SENP7: variants seen among roughly 807,000 people sequenced by gnomAD.
SENP7 encodes SUMO specific peptidase 7.
A neutral mutation model predicts 141.2 loss-of-function variants in SENP7; 64 were observed. That is an observed-to-expected ratio of 0.45 (90% confidence interval 0.37 to 0.56). SENP7 has a LOEUF of 0.56. SENP7 is among the 20% of genes least tolerant of loss of function. The pLI, the probability that SENP7 is intolerant of heterozygous loss-of-function variation, is 0.00. For synonymous variants in SENP7, 382 were observed against 426.4 expected, an observed-to-expected ratio of 0.90 and a Z score of 1.28; for missense variants, 1,025 against 1,212.2, an observed-to-expected ratio of 0.85 and a Z score of 2.29.
At chr3:101,394,130 T>C (rs1210744872) in intron 6 of SENP7, among the ~76,000 whole-genome samples, 1 of 152,186 alleles carries the variant, frequency 6.6e-6, no homozygotes, top group Non-Finnish European at 1.5e-5. Flanking sequence ...CAGCCTCTAG[T>C]GTTTATAATT....
At chr3:101,397,911 C>G (rs1484565838) in intron 6 of SENP7, among the ~76,000 whole-genome samples, 3 of 152,126 alleles carry the variant, frequency 2.0e-5, no homozygotes, top group Non-Finnish European at 2.9e-5. Context: ...ACTGACCATC[C>G]CTAGCTTTGT....
At chr3:101,395,779 T>C (rs578013859) in intron 6 of SENP7, among the ~76,000 whole-genome samples, 109 of 152,316 alleles carry the variant, frequency 7.2e-4, no homozygotes, top group African/African-American at 2.3e-3. Flanking sequence ...TGACGATAAG[T>C]GGACTCAGGA....
intron 11 of SENP7, among the ~76,000 whole-genome samples, chr3:101,356,805 T>C (rs1383752393): frequency 6.6e-6 from 1 of 152,182 alleles, no homozygotes; most frequent in East Asian, 1.9e-4. Flanking sequence ...GAAAAAAGCT[T>C]GAGCAATTGC....
intron 6 of SENP7, among the ~76,000 whole-genome samples, chr3:101,378,440 A>G (rs1480210993): frequency 6.6e-6 from 1 of 152,138 alleles, no homozygotes; most frequent in Non-Finnish European, 1.5e-5. Context: ...ACTAGTAGAC[A>G]GGATATGGAA....
chr3:101,375,441 C>G (rs565400789), intron 6 of SENP7, among the ~76,000 whole-genome samples: 19 of 146,214 alleles, frequency 1.3e-4, no homozygotes, highest in African/African-American at 4.8e-4. Flanking sequence ...TACTCAGAGG[C>G]TGAGGCATGA....
chr3:101,390,975 C>T (rs187036911), intron 6 of SENP7, among the ~76,000 whole-genome samples: 55 of 152,068 alleles, frequency 3.6e-4, no homozygotes, highest in African/African-American at 1.3e-3. Context: ...GGAACTTAAA[C>T]AACATGCTCC....
chr3:101,412,411 T>C (rs1310807670), intron 5 of SENP7, among the ~76,000 whole-genome samples: 1 of 152,084 alleles, frequency 6.6e-6, no homozygotes, highest in Middle Eastern at 3.2e-3. Flanking sequence ...AGTTTCTAAA[T>C]TTGTTCTTTT....
chr3:101,417,819 A>G lies in SENP7; in HGVS notation c.285-29T>C, dbSNP rs371955238. On this transcript the variant is annotated intron_variant, in intron 4 of 23. Transcript: ENST00000394095. ...TTATACACATAAATAATTAGTATAT[A>G]TGGTACTACACATTGTAGAATACAT... 1.4e-5 allele frequency: 21 copies of G among 1,497,004 alleles called. No homozygotes were observed. In the African/African-American group the frequency reaches 2.5e-4, roughly 18 times the overall value. The allele number at this position is 1,497,004 out of a possible 1,614,324, so 92.7% of individuals were successfully genotyped here. A position where few individuals can be genotyped will look rare whatever the true frequency, so the allele number is the denominator to read the frequency against.
intron 16 of SENP7, 105 bp from the exon 17 acceptor site, chr3:101,337,736 A>G: frequency 9.9e-7 from 1 of 1,012,354 alleles, no homozygotes; most frequent in South Asian, 2.5e-5. Flanking sequence ...ATCTATTTTG[A>G]TTCAAAGCAA....
chr3:101,344,041 G>T, intron 13 of SENP7, 87 bp from the exon 14 acceptor site: 1 of 936,088 alleles, frequency 1.1e-6, no homozygotes, highest in Non-Finnish European at 1.5e-6. Flanking sequence ...ATAATAGTAA[G>T]GTTGGAATAT....
intron 11 of SENP7, among the ~76,000 whole-genome samples, chr3:101,359,770 A>G (rs1218447216): frequency 6.6e-6 from 1 of 152,122 alleles, no homozygotes; most frequent in African/African-American, 2.4e-5. Context: ...GCAACGATAT[A>G]TACTATACAG....
In SENP7 at chr3:101,348,017, G is replaced by A. The variant is rs143327738; in HGVS notation, c.1692C>T (p.Thr564=). 1.4e-4 allele frequency: 232 copies of A among 1,602,048 alleles called. No homozygotes were observed. The highest frequency in any genetic ancestry group is 1.9e-4 in the Non-Finnish European group (222 of 1,175,348). The stretch of plus-strand genomic sequence containing the variant: ...ATAACCCAAACCGCTTTAAATGTGT[G>A]GTATCCACTAGCAATGAAATCTCAT... ...SLNEISLLVD[T]THLKRFGLWK... Residue 564 remains threonine (T), a synonymous_variant, in exon 13 of 24, where the codon ACC becomes ACT. Coordinates refer to ENST00000394095, the MANE Select transcript of SENP7 (RefSeq NM_020654.5).
chr3:101,448,322 A>G (rs889897045), intron 4 of SENP7, among the ~76,000 whole-genome samples: 1 of 152,244 alleles, frequency 6.6e-6, no homozygotes, highest in African/African-American at 2.4e-5. Flanking sequence ...AAAGAATGAG[A>G]TAAAATATAT....
At chr3:101,444,186 A>T (rs1445365626) in intron 4 of SENP7, among the ~76,000 whole-genome samples, 8 of 128,664 alleles carry the variant, frequency 6.2e-5, no homozygotes, top group African/African-American at 1.9e-4. Context: ...TCAAAACCAC[A>T]GTGAGATACC....
At chr3:101,362,674 A>C (rs1431773396) in intron 10 of SENP7, among the ~76,000 whole-genome samples, 1 of 152,116 alleles carries the variant, frequency 6.6e-6, no homozygotes, top group Non-Finnish European at 1.5e-5. Flanking sequence ...CCTGTGTGCT[A>C]CTGCACTTTT....
At chr3:101,461,582 A>G (rs144503180) in intron 3 of SENP7, among the ~76,000 whole-genome samples, 184 of 151,978 alleles carry the variant, frequency 1.2e-3, no homozygotes, top group African/African-American at 4.3e-3. Flanking sequence ...TAAATGGTAC[A>G]GGTACCGTAA....
intron 8 of SENP7, among the ~76,000 whole-genome samples, chr3:101,367,300 GCTGT>G (rs2060061652): frequency 2.0e-5 from 3 of 151,974 alleles, no homozygotes; most frequent in Admixed American, 6.6e-5. Context: ...AAATTGAAAA[GCTGT>G]CTTACTGTTT....
intron 13 of SENP7, 74 bp from the exon 14 acceptor site, chr3:101,344,028 T>C: frequency 1.0e-6 from 1 of 1,002,162 alleles, no homozygotes; most frequent in South Asian, 1.9e-5. Flanking sequence ...AATTTAATTA[T>C]TAATAATAGT....
intron 4 of SENP7, among the ~76,000 whole-genome samples, chr3:101,427,931 G>A (rs1414372465): frequency 1.3e-5 from 2 of 151,298 alleles, no homozygotes; most frequent in Non-Finnish European, 2.9e-5. Flanking sequence ...CCACTTATGA[G>A]TGAGAACATG....
Sources: allele counts gnomAD v4.1 joint callset (sites outside exome capture counted in the v4.1 genomes callset), GRCh38; gene constraint gnomAD v4.1.1; transcripts MANE v1.5; gene names NCBI Gene and HGNC (gene_info 2026-07-23, HGNC 2026-07-21).